The following RP1 variants were observed in gnomAD, a reference collection of about 807,000 sequenced individuals.
RP1 encodes the protein oxygen-regulated protein 1.
Under a neutral mutation model 14.8 loss-of-function variants are expected in RP1, and 16 were observed. That is an observed-to-expected ratio of 1.08 (90% CI 0.73 to 1.65). RP1 has a LOEUF of 1.65. RP1 is among the 40% of genes most tolerant of loss of function. RP1 has a pLI of 0.00. For missense variants in RP1, 2,631 were observed against 2,535.0 expected (o/e 1.04, Z -0.81); for synonymous variants, 876 against 883.6 (o/e 0.99, Z 0.15).
intron 1 of RP1, among the ~76,000 whole-genome samples, chr8:54,579,718 G>A (rs1804737002): frequency 6.6e-6 from 1 of 152,164 alleles, no homozygotes; most frequent in Non-Finnish European, 1.5e-5. Context: ...CTGTTCCTTT[G>A]TCTTGCTCGC....
intron 1 of RP1, among the ~76,000 whole-genome samples, chr8:54,580,618 T>A (rs899324007): frequency 2.7e-5 from 4 of 150,444 alleles, no homozygotes; most frequent in African/African-American, 9.8e-5. Context: ...GTAGATATTT[T>A]ATTTATTTAT....
chr8:54,686,319 CT>C (rs1364504292), intron 12 of RP1, among the ~76,000 whole-genome samples: 2 of 151,710 alleles, frequency 1.3e-5, no homozygotes, highest in Admixed American at 1.3e-4. Flanking sequence ...CTGTAGACAT[CT>C]TTTCAAGAAA....
chr8:54,752,471 C>T (rs1285205564), intron 19 of RP1, among the ~76,000 whole-genome samples: 2 of 152,174 alleles, frequency 1.3e-5, no homozygotes, highest in Admixed American at 6.5e-5. Context: ...CTTTCATCCC[C>T]TAATTGTTTA....
intron 1 of RP1, among the ~76,000 whole-genome samples, chr8:54,589,943 T>C (rs1217801753): frequency 1.3e-5 from 2 of 152,182 alleles, no homozygotes; most frequent in East Asian, 1.9e-4. Flanking sequence ...CTTTCTGAGA[T>C]GATTTTATCC....
At chr8:54,775,181 C>G (rs1331016107) in intron 23 of RP1, among the ~76,000 whole-genome samples, 1 of 151,982 alleles carries the variant, frequency 6.6e-6, no homozygotes, top group Admixed American at 6.5e-5. Context: ...CAAAAGTGGT[C>G]AGAGAGGCGT....
At chr8:54,801,614 G>C (rs1344109070) in intron 24 of RP1, among the ~76,000 whole-genome samples, 1 of 152,106 alleles carries the variant, frequency 6.6e-6, no homozygotes, top group Non-Finnish European at 1.5e-5. Context: ...GAAAGAGAAG[G>C]ACTCTTTCTC....
intron 23 of RP1, among the ~76,000 whole-genome samples, chr8:54,780,705 G>A (rs1174919540): frequency 6.6e-6 from 1 of 152,146 alleles, no homozygotes; most frequent in Admixed American, 6.5e-5. Context: ...ATGATTTAAA[G>A]TATACAAAAG....
intron 24 of RP1, among the ~76,000 whole-genome samples, chr8:54,813,114 G>A (rs557996278): frequency 1.3e-5 from 2 of 152,324 alleles, no homozygotes; most frequent in Non-Finnish European, 1.5e-5. Flanking sequence ...AAGTGAAGCC[G>A]TAGGCATTGA....
At chr8:54,821,289 G>A (rs1201995697) in intron 24 of RP1, among the ~76,000 whole-genome samples, 1 of 152,162 alleles carries the variant, frequency 6.6e-6, no homozygotes, top group Non-Finnish European at 1.5e-5. Flanking sequence ...GGCTTGAAAT[G>A]AGTAGAAAGA....
At position 54,812,806 on chromosome 8, in the gene RP1, T is replaced by TATCTATCTATCTATC. The variant is rs774921416; in HGVS notation, c.3616-24640_3616-24639insATCTATCTATCATCT. The stretch of plus-strand genomic sequence containing the variant: ...CTATCTATCTATCTATCTATCTATC[T>TATCTATCTATCTATC]ATCTCTCCGTCTTCTATCATTTATC... On this transcript the variant is annotated intron_variant, in intron 24 of 28. Transcript: ENST00000637698. Among the ~76,000 whole-genome samples, 454 of 134,672 alleles carry TATCTATCTATCTATC rather than the reference T, an allele frequency of 3.4e-3. 2 individuals carry two copies. The highest frequency in any genetic ancestry group is 7.6e-3 in the African/African-American group (277 of 36,662). The allele number at this position is 134,672 out of a possible 152,430, so 88.4% of individuals were successfully genotyped here.
intron 26 of RP1, among the ~76,000 whole-genome samples, chr8:54,853,871 GA>G (rs1440766059): frequency 1.5e-5 from 1 of 64,964 alleles, no homozygotes; most frequent in African/African-American, 6.1e-5. Context: ...AGAAAGAAAA[GA>G]AAAAGAAAGA....
chr8:54,602,538 T>C (rs966843726), intron 1 of RP1, among the ~76,000 whole-genome samples: 8 of 152,170 alleles, frequency 5.3e-5, no homozygotes, highest in African/African-American at 1.7e-4. Flanking sequence ...TTATAATCCT[T>C]TGGGTATATA....
At chr8:54,668,626 T>C (rs1231169970) in intron 7 of RP1, among the ~76,000 whole-genome samples, 1 of 152,068 alleles carries the variant, frequency 6.6e-6, no homozygotes, top group Non-Finnish European at 1.5e-5. Context: ...CTTCAAACTA[T>C]ACTACAAGGC....
upstream of RP1, among the ~76,000 whole-genome samples, chr8:54,613,526 GTT>G (rs1805645088): frequency 6.6e-6 from 1 of 152,178 alleles, no homozygotes; most frequent in Non-Finnish European, 1.5e-5. Flanking sequence ...TGATAAAGAA[GTT>G]ACACTTCTGG....
At chr8:54,810,972 G>A (rs745350707) in intron 24 of RP1, among the ~76,000 whole-genome samples, 5 of 152,192 alleles carry the variant, frequency 3.3e-5, no homozygotes, top group Non-Finnish European at 7.3e-5. Flanking sequence ...CAAACCCAGG[G>A]TGGTGATTTT....
chr8:54,758,639 G>C (rs1410912541), intron 21 of RP1, among the ~76,000 whole-genome samples: 2 of 152,190 alleles, frequency 1.3e-5, no homozygotes, highest in Non-Finnish European at 2.9e-5. Flanking sequence ...AGAGAAAAGT[G>C]TTTGTGTTGG....
At chr8:54,592,851 G>A (rs889814209) in intron 1 of RP1, among the ~76,000 whole-genome samples, 7 of 152,100 alleles carry the variant, frequency 4.6e-5, no homozygotes, top group Admixed American at 2.0e-4. Flanking sequence ...AAAATGGGAC[G>A]GCACCAGCTG....
rs550341626 is a variant in RP1 at position 54,653,993 on chromosome 8, T to C, written c.1038+1127T>C. Among the ~76,000 whole-genome samples the C allele has an allele frequency of 9.3e-4, 141 of 152,320 alleles. 1 individual carries two copies. Among genetic ancestry groups the C allele is most frequent in the Admixed American group, 1.5e-3 (23 of 15,296 alleles). On this transcript the variant is annotated intron_variant, in intron 5 of 22. Transcript: ENST00000636932. Reference sequence around the variant, plus strand: ...CAAAAAATTTTGTATTATAGAGGAATGATATAAAAATCAGGCTGAAAATTT... The same window carrying C: ...CAAAAAATTTTGTATTATAGAGGAACGATATAAAAATCAGGCTGAAAATTT...
At chr8:54,856,640 T>A (rs553011936) in intron 26 of RP1, among the ~76,000 whole-genome samples, 1 of 152,238 alleles carries the variant, frequency 6.6e-6, no homozygotes, top group South Asian at 2.1e-4. Flanking sequence ...AATGAGAAAG[T>A]GAGTAGTACT....
Sources: allele counts gnomAD v4.1 joint callset (sites outside exome capture counted in the v4.1 genomes callset), GRCh38; gene constraint gnomAD v4.1.1; transcripts MANE v1.5; gene names NCBI Gene and HGNC (gene_info 2026-07-23, HGNC 2026-07-21).